Variants in C3orf20 observed in about 807,000 individuals in gnomAD.
C3orf20 encodes uncharacterized protein C3orf20.
Under a neutral mutation model 88.3 loss-of-function variants are expected in C3orf20, and 76 were observed. That is an observed-to-expected ratio of 0.86 (90% CI 0.72 to 1.04). C3orf20 has a LOEUF of 1.04. Among genes scored for constraint, C3orf20 ranks in the 50% least tolerant of loss-of-function variants. The pLI is 0.00. For missense variants in C3orf20, 1,056 were observed against 1,123.3 expected, an observed-to-expected ratio of 0.94 and a Z score of 0.86; for synonymous variants, 436 against 437.4, an observed-to-expected ratio of 1.00 and a Z score of 0.04.
rs764413225 is a variant in C3orf20 at position 14,772,746 on chromosome 3, G to A, written c.2631-45G>A. 2 of 1,529,788 alleles carry A rather than the reference G, an allele frequency of 1.3e-6. No homozygotes were observed. Among genetic ancestry groups the A allele is most frequent in the Non-Finnish European group, 1.8e-6 (2 of 1,105,180 alleles). 94.8% of individuals were successfully genotyped at this position (1,529,788 alleles called of 1,614,324 possible). A position where few individuals can be genotyped will look rare whatever the true frequency, so the allele number is the denominator to read the frequency against. ...ACCGGGCCTGGGCTCTGGGCACTGTGAAGAACAGCCCTTCCGCCTCCCGGC... is the reference window on the plus strand; with the variant it reads ...ACCGGGCCTGGGCTCTGGGCACTGTAAAGAACAGCCCTTCCGCCTCCCGGC... On this transcript the variant is annotated intron_variant, in intron 16 of 16. Coordinates refer to ENST00000253697, the MANE Select transcript of C3orf20 (RefSeq NM_032137.5). This position sits in a 1 kb window ranked among gnomAD's most constrained non-coding sequence, Gnocchi z 4.2.
chr3:14,760,230 G>C (rs975924832), intron 14 of C3orf20, among the ~76,000 whole-genome samples: 1 of 152,224 alleles, frequency 6.6e-6, no homozygotes, highest in East Asian at 1.9e-4. Context: ...CATCCCAGGA[G>C]ACTGCAGGGA....
intron 12 of C3orf20, among the ~76,000 whole-genome samples, chr3:14,737,350 A>G (rs1031493709): frequency 1.3e-5 from 2 of 151,914 alleles, no homozygotes; most frequent in African/African-American, 4.8e-5. Context: ...GTACAGGCAT[A>G]CCTTGGAAAT....
At chr3:14,700,369 TA>T (rs1418423921) in intron 5 of C3orf20, among the ~76,000 whole-genome samples, 2 of 152,226 alleles carry the variant, frequency 1.3e-5, no homozygotes, top group Admixed American at 1.3e-4. Context: ...TATATTGTTT[TA>T]ATTGTTCTAT....
At chr3:14,680,724 G>T (rs1401513261) in intron 1 of C3orf20, among the ~76,000 whole-genome samples, 2 of 152,152 alleles carry the variant, frequency 1.3e-5, no homozygotes, top group African/African-American at 4.8e-5. Context: ...AAAGGAACTG[G>T]TGGCAGGGGG....
intron 3 of C3orf20, among the ~76,000 whole-genome samples, chr3:14,683,793 T>C (rs773317430): frequency 3.3e-5 from 5 of 151,172 alleles, no homozygotes; most frequent in Non-Finnish European, 2.9e-5. Flanking sequence ...GGAGAATCGC[T>C]TGAACCCAGG....
rs1019815846 is a variant in C3orf20 at position 14,704,322 on chromosome 3, T to C, written c.879-15T>C. On this transcript the variant is annotated splice_polypyrimidine_tract_variant and intron_variant, in intron 6 of 16. Transcript: ENST00000253697. ...ACCAAAAGGCTAGACAATATATTGC[T>C]CTCCTTCTCTGCAGAGAAGCTGAAA... is the stretch of plus-strand genomic sequence containing the variant. 33 of 1,613,252 alleles carry C rather than the reference T, an allele frequency of 2.0e-5. No homozygotes were observed. The highest frequency in any genetic ancestry group is 1.1e-4 in the East Asian group (5 of 44,884).
At chr3:14,702,821 T>G (rs2033330469) in intron 5 of C3orf20, among the ~76,000 whole-genome samples, 1 of 151,940 alleles carries the variant, frequency 6.6e-6, no homozygotes, top group South Asian at 2.1e-4. Context: ...AACCCAACAG[T>G]CCAAAGTCTC....
chr3:14,685,104 A>G lies in C3orf20; in HGVS notation c.625+722A>G, dbSNP rs1382098010. Among the ~76,000 whole-genome samples, 4 of 152,224 alleles carry G rather than the reference A, an allele frequency of 2.6e-5. No homozygotes were observed. The East Asian group carries it at 7.7e-4, about 29-fold the overall frequency. On this transcript the variant is annotated intron_variant, in intron 4 of 16. Transcript: ENST00000253697. ...GAATGTTTATCAACAAGAGAAAAAGATATAAATTAAGGTCCATTTAGACAG... is the reference window on the plus strand; with the variant it reads ...GAATGTTTATCAACAAGAGAAAAAGGTATAAATTAAGGTCCATTTAGACAG...
chr3:14,739,612 G>A (rs775184530), intron 12 of C3orf20, among the ~76,000 whole-genome samples: 15 of 152,202 alleles, frequency 9.9e-5, no homozygotes, highest in East Asian at 1.9e-4. Context: ...AAGCTTTAAA[G>A]CCAGACATTG....
chr3:14,686,081 C>G (rs1287609456), intron 4 of C3orf20, among the ~76,000 whole-genome samples: 2 of 152,054 alleles, frequency 1.3e-5, no homozygotes, highest in South Asian at 2.1e-4. Flanking sequence ...AGGATGGTCT[C>G]GATCTCTTGA....
intron 5 of C3orf20, among the ~76,000 whole-genome samples, chr3:14,690,786 G>T (rs2032690593): frequency 6.6e-6 from 1 of 152,238 alleles, no homozygotes; most frequent in South Asian, 2.1e-4. Flanking sequence ...CAGCTGGGTT[G>T]TGGGGACAGG....
Position 14,757,443 on chromosome 3 carries a change from G to A in C3orf20, c.2013G>A (p.Arg671=). 6.2e-7 allele frequency: 1 copy of A among 1,612,468 alleles called. No homozygotes were observed. Among genetic ancestry groups the A allele is most frequent in the Non-Finnish European group, 8.5e-7 (1 of 1,179,934 alleles). Residue 671 remains arginine, a synonymous_variant, in exon 13 of 17, where the codon CGG becomes CGA. Coordinates refer to ENST00000253697, the MANE Select transcript of C3orf20 (RefSeq NM_032137.5). ...CCTCAGACTGCCCGCTGGTGCTGCG[G>A]AAGCTCATGCTCAAGGAAGACACCC... ...ALPSDCPLVL[R]KLMLKEDTRA...
chr3:14,689,528 G>T (rs1036267890), intron 4 of C3orf20, among the ~76,000 whole-genome samples: 1 of 152,158 alleles, frequency 6.6e-6, no homozygotes, highest in African/African-American at 2.4e-5. Context: ...TTCTTAAGTG[G>T]TCAGATATCA....
chr3:14,757,260 C>A, intron 12 of C3orf20, 111 bp from the exon 13 acceptor site: 1 of 937,636 alleles, frequency 1.1e-6, no homozygotes, highest in Non-Finnish European at 1.6e-6. Context: ...AGGGCCCAGA[C>A]TAAAATCTGC....
At position 14,682,865 on chromosome 3, in the gene C3orf20, G is replaced by T. The variant is rs774762474; in HGVS notation, c.152G>T (p.Trp51Leu). The T allele has an allele frequency of 6.2e-7, 1 of 1,614,134 alleles. No homozygotes were observed. The highest frequency in any genetic ancestry group is 1.1e-5 in the South Asian group (1 of 91,076). ...ATCAGAAACATCTTTGAGTTCACTT[G>T]GGAAGAGCTCATCAGTGACCCTTCA... Reference protein sequence around the residue: ...KGIRNIFEFTWEELISDPSVP... With the variant: ...KGIRNIFEFTLEELISDPSVP... The change falls in exon 3 of 17, where the codon TGG becomes TTG. Residue 51 changes from tryptophan (W) to leucine (L), a missense_variant. Transcript: ENST00000253697.
chr3:14,747,657 T>C (rs1357114109), intron 12 of C3orf20, among the ~76,000 whole-genome samples: 1 of 152,194 alleles, frequency 6.6e-6, no homozygotes, highest in Non-Finnish European at 1.5e-5. Context: ...TCCCACTTTC[T>C]ACCAAAGACA....
At chr3:14,687,071 C>G (rs556106773) in intron 4 of C3orf20, among the ~76,000 whole-genome samples, 3 of 152,052 alleles carry the variant, frequency 2.0e-5, no homozygotes, top group Admixed American at 1.3e-4. Flanking sequence ...AGCCGCCTGC[C>G]GCAGAAGGGA....
At position 14,699,732 on chromosome 3, in the gene C3orf20, G is replaced by A. The variant is rs115697534; in HGVS notation, c.746-3398G>A. 3.5e-3 allele frequency among the ~76,000 whole-genome samples: 537 copies of A among 152,328 alleles called. 6 individuals carry two copies. Among genetic ancestry groups the A allele is most frequent in the African/African-American group, 0.012 (514 of 41,578 alleles). ...GCCACTTGAGATTGGGGTGGGGGGT[G>A]TCACAAGCACTCCCTTAGCTGCCCC... On this transcript the variant is annotated intron_variant, in intron 5 of 16. Coordinates refer to ENST00000253697, the MANE Select transcript of C3orf20 (RefSeq NM_032137.5).
intron 4 of C3orf20, among the ~76,000 whole-genome samples, chr3:14,689,528 G>A (rs1036267890): frequency 1.3e-5 from 2 of 152,158 alleles, no homozygotes; most frequent in Non-Finnish European, 2.9e-5. Flanking sequence ...TTCTTAAGTG[G>A]TCAGATATCA....
Sources: allele counts gnomAD v4.1 joint callset (sites outside exome capture counted in the v4.1 genomes callset), GRCh38; gene constraint gnomAD v4.1.1; non-coding constraint Gnocchi (gnomAD v3.1); transcripts MANE v1.5; gene names NCBI Gene and HGNC (gene_info 2026-07-23, HGNC 2026-07-21).